The following PRKCE variants were observed in gnomAD, a reference collection of about 807,000 sequenced individuals.
PRKCE encodes protein kinase C epsilon.
PRKCE carries 16 observed loss-of-function variants against 85.4 expected under a neutral mutation model. That is an observed-to-expected ratio of 0.19 (90% confidence interval 0.13 to 0.28). The LOEUF is 0.28. Ranked by LOEUF, PRKCE falls within the 10% of genes least tolerant of loss-of-function variation. The pLI, the probability that PRKCE is intolerant of heterozygous loss-of-function variation, is 1.00. For synonymous variants in PRKCE, 388 were observed against 371.5 expected (o/e 1.04, Z -0.51); for missense variants, 573 against 975.2 (o/e 0.59, Z 5.49).
intron 2 of PRKCE, among the ~76,000 whole-genome samples, chr2:45,951,025 C>T (rs997754987): frequency 6.6e-6 from 1 of 152,214 alleles, no homozygotes; most frequent in Non-Finnish European, 1.5e-5. Flanking sequence ...CCAGTCATGA[C>T]TGTGAATTGC....
At chr2:46,051,885 GAGA>G (rs912995100) in intron 10 of PRKCE, among the ~76,000 whole-genome samples, 16 of 152,176 alleles carry the variant, frequency 1.1e-4, no homozygotes, top group African/African-American at 3.6e-4. Flanking sequence ...GCAGCAGAGA[GAGA>G]AGAAGTGCAC....
intron 1 of PRKCE, among the ~76,000 whole-genome samples, chr2:45,829,742 C>T (rs1357501196): frequency 2.6e-5 from 4 of 152,174 alleles, no homozygotes; most frequent in Non-Finnish European, 5.9e-5. Flanking sequence ...ATATGCTCCC[C>T]ACTGTCACTA....
intron 10 of PRKCE, among the ~76,000 whole-genome samples, chr2:46,032,650 G>GT (rs567263295): frequency 2.6e-3 from 401 of 152,318 alleles, no homozygotes; most frequent in South Asian, 0.011. Context: ...ACAATGGTGT[G>GT]TTGATGCTTG....
chr2:45,758,203 C>T (rs56113806), intron 1 of PRKCE, among the ~76,000 whole-genome samples: 54,939 of 152,072 alleles, frequency 0.36, 10,036 homozygotes, highest in East Asian at 0.39. Flanking sequence ...ACCTAAGTTC[C>T]CTGTGCCTTG....
At chr2:45,960,996 C>T (rs1400098617) in intron 2 of PRKCE, among the ~76,000 whole-genome samples, 3 of 152,184 alleles carry the variant, frequency 2.0e-5, no homozygotes, top group African/African-American at 4.8e-5. Context: ...AAAGCAAACA[C>T]AGAGGGGCTG....
chr2:46,134,849 C>T lies in PRKCE; in HGVS notation c.1593-10244C>T, dbSNP rs3768740. 2.4e-3 allele frequency among the ~76,000 whole-genome samples: 364 copies of T among 152,350 alleles called. 6 individuals carry two copies. The East Asian group carries it at 0.049, about 20-fold the overall frequency. ...ACGGATCGTCAGGCTAGCTCACCCA[C>T]ATGCTGGAAACACAAGGCAATGCCT... On this transcript the variant is annotated intron_variant, in intron 11 of 14. Transcript: ENST00000306156.
intron 2 of PRKCE, among the ~76,000 whole-genome samples, chr2:45,903,730 G>A (rs901359776): frequency 5.3e-5 from 8 of 152,138 alleles, no homozygotes; most frequent in African/African-American, 1.9e-4. Context: ...ACAAGGCAAG[G>A]CAGTGAGGAA....
At chr2:45,914,215 T>A (rs149692882) in intron 2 of PRKCE, among the ~76,000 whole-genome samples, 3 of 152,238 alleles carry the variant, frequency 2.0e-5, no homozygotes, top group African/African-American at 7.2e-5. Context: ...TAAATTCATA[T>A]GTGAATTCAA....
intron 14 of PRKCE, among the ~76,000 whole-genome samples, chr2:46,165,207 C>T (rs1361880298): frequency 6.6e-6 from 1 of 152,224 alleles, no homozygotes; most frequent in Non-Finnish European, 1.5e-5. Flanking sequence ...AGCGTGGAGA[C>T]TTTCCTGTCT....
chr2:46,127,645 T>G (rs1191523584), intron 11 of PRKCE, among the ~76,000 whole-genome samples: 1 of 152,250 alleles, frequency 6.6e-6, no homozygotes, highest in African/African-American at 2.4e-5. Flanking sequence ...AGTTCTGAGT[T>G]GGTAAATCTT....
At chr2:46,072,231 G>A (rs983114747) in intron 10 of PRKCE, among the ~76,000 whole-genome samples, 8 of 152,240 alleles carry the variant, frequency 5.3e-5, no homozygotes, top group African/African-American at 1.4e-4. Flanking sequence ...GCCACCAGCT[G>A]TGCCACTTAA....
chr2:45,768,855 T>G (rs560604049), intron 1 of PRKCE, among the ~76,000 whole-genome samples: 37 of 152,328 alleles, frequency 2.4e-4, no homozygotes, highest in African/African-American at 8.7e-4. Flanking sequence ...ATGTTGTGTC[T>G]CCACCTTGCA....
chr2:45,852,165 T>C (rs971066755), intron 2 of PRKCE: 3 of 152,242 alleles, frequency 2.0e-5, no homozygotes, highest in Non-Finnish European at 4.4e-5. Context: ...CCCAGCTAAG[T>C]AGGGCAAGTC....
intron 2 of PRKCE, among the ~76,000 whole-genome samples, chr2:45,922,495 T>C (rs901870260): frequency 2.0e-5 from 3 of 152,148 alleles, no homozygotes; most frequent in East Asian, 1.9e-4. Flanking sequence ...CTCCCTGGAA[T>C]TGTAACCTGT....
Position 45,652,086 on chromosome 2 carries a change from C to G in PRKCE, c.-15C>G. On this transcript the variant is annotated 5_prime_UTR_variant, in exon 1 of 15. Transcript: ENST00000306156. The surrounding 1 kb of genome is among the most constrained non-coding windows in gnomAD (Gnocchi z 7.7). ...GCAGACGGAGTGACCCCGGCCCCCACTCCCCGCCCCGACCATGGTAGTGTT... is the reference window on the plus strand; with the variant it reads ...GCAGACGGAGTGACCCCGGCCCCCAGTCCCCGCCCCGACCATGGTAGTGTT... The G allele has an allele frequency of 6.6e-7, 1 of 1,512,564 alleles. No homozygotes were observed. Among genetic ancestry groups the G allele is most frequent in the South Asian group, 1.3e-5 (1 of 78,154 alleles). 93.7% of individuals were successfully genotyped at this position (1,512,564 alleles called of 1,614,324 possible). A position where few individuals can be genotyped will look rare whatever the true frequency, so the allele number is the denominator to read the frequency against.
chr2:45,880,970 G>A (rs1187129937), intron 2 of PRKCE, among the ~76,000 whole-genome samples: 2 of 151,926 alleles, frequency 1.3e-5, no homozygotes, highest in Non-Finnish European at 2.9e-5. Flanking sequence ...GGGCTAAAAC[G>A]GTGAAACCCC....
chr2:46,105,327 C>G (rs1272597685), intron 11 of PRKCE, among the ~76,000 whole-genome samples: 1 of 152,098 alleles, frequency 6.6e-6, no homozygotes, highest in South Asian at 2.1e-4. Flanking sequence ...TTATAGCAAC[C>G]CTGAGCCCCT....
At chr2:46,106,340 C>T (rs1232639611) in intron 11 of PRKCE, among the ~76,000 whole-genome samples, 1 of 152,282 alleles carries the variant, frequency 6.6e-6, no homozygotes, top group Middle Eastern at 3.4e-3. Context: ...AAACCTAGCT[C>T]CCACCACCTG....
chr2:45,879,471 C>T (rs1363274103), intron 2 of PRKCE, among the ~76,000 whole-genome samples: 1 of 152,216 alleles, frequency 6.6e-6, no homozygotes, highest in African/African-American at 2.4e-5. Context: ...TGCAAAAAGG[C>T]AGAGGGTCCA....
Sources: gnomAD v4.1 joint callset for allele counts (sites outside exome capture counted in the v4.1 genomes callset) on GRCh38, gnomAD v4.1.1 for gene constraint, Gnocchi (gnomAD v3.1) non-coding constraint, MANE v1.5 for transcripts, NCBI Gene and HGNC (gene_info 2026-07-23, HGNC 2026-07-21) for gene names.